The following ABL2 variants were observed in gnomAD, a reference collection of about 807,000 sequenced individuals.
The protein encoded by ABL2 is ABL proto-oncogene 2, non-receptor tyrosine kinase, also known as tyrosine-protein kinase ABL2.
A neutral mutation model predicts 107.7 loss-of-function variants in ABL2; 49 were observed. That is an observed-to-expected ratio of 0.45 (90% CI 0.36 to 0.58). The LOEUF (loss-of-function observed/expected upper bound fraction) is 0.58, where lower values mean the gene tolerates loss of function less well. Ranked by LOEUF, ABL2 falls within the 20% of genes least tolerant of loss-of-function variation. The pLI, the probability that ABL2 is intolerant of heterozygous loss-of-function variation, is 0.00. For synonymous variants in ABL2, 549 were observed against 548.6 expected, an observed-to-expected ratio of 1.00 and a Z score of -0.01; for missense variants, 1,245 against 1,457.0, an observed-to-expected ratio of 0.85 and a Z score of 2.37.
intron 7 of ABL2, among the ~76,000 whole-genome samples, chr1:179,117,922 C>G (rs1390790201): frequency 6.6e-6 from 1 of 150,548 alleles, no homozygotes; most frequent in Non-Finnish European, 1.5e-5. Flanking sequence ...AGTTCAGGAC[C>G]AGCCGGGGCA....
chr1:179,136,916 C>CAAA lies in ABL2; in HGVS notation c.158-3545_158-3543dup, dbSNP rs33980980. ...GTGACAACAGAGTGAGACCCTGTCT[C>CAAA]AAAAAAAAAAAAAAAAGGCTTCATA... On this transcript the variant is annotated intron_variant, in intron 1 of 11. Coordinates refer to ENST00000502732, the MANE Select transcript of ABL2 (RefSeq NM_007314.4). Among the ~76,000 whole-genome samples, 234 of 109,984 alleles carry CAAA rather than the reference C, an allele frequency of 2.1e-3. 3 individuals are homozygous for CAAA. In the East Asian group the frequency reaches 0.043, roughly 20 times the overall value. 72.2% of individuals were successfully genotyped at this position (109,984 alleles called of 152,430 possible).
At chr1:179,226,274 G>A (rs759519108) in intron 1 of ABL2, among the ~76,000 whole-genome samples, 12 of 146,892 alleles carry the variant, frequency 8.2e-5, no homozygotes, top group Non-Finnish European at 1.8e-4. Flanking sequence ...AGTTAGCCAG[G>A]TTCTAAATCC....
chr1:179,214,933 A>G (rs1662477483), intron 1 of ABL2, among the ~76,000 whole-genome samples: 1 of 151,956 alleles, frequency 6.6e-6, no homozygotes, highest in Admixed American at 6.6e-5. Flanking sequence ...GCCAAGGCAG[A>G]CAGATTGCCT....
chr1:179,214,442 G>A (rs575506811), intron 1 of ABL2, among the ~76,000 whole-genome samples: 3 of 147,576 alleles, frequency 2.0e-5, no homozygotes, highest in African/African-American at 7.5e-5. Flanking sequence ...CACTATATAA[G>A]CTTACAATAA....
In ABL2 at chr1:179,104,772, A is replaced by C. The variant is rs755639678; in HGVS notation, c.*2946T>G. The stretch of plus-strand genomic sequence containing the variant: ...GAAAGGAATCAAGCAGTGGCAGCCC[A>C]AAGGCATGCATCCAGATATACAGCA... On this transcript the variant is annotated 3_prime_UTR_variant, in exon 12 of 12. Coordinates refer to ENST00000502732, the MANE Select transcript of ABL2 (RefSeq NM_007314.4). 4.6e-6 allele frequency: 1 copy of C among 218,654 alleles called. No individual in the cohort carries two copies. Among genetic ancestry groups the C allele is most frequent in the Non-Finnish European group, 9.2e-6 (1 of 108,814 alleles). The allele number at this position is 218,654 out of a possible 1,614,324, so 13.5% of individuals were successfully genotyped here.
intron 10 of ABL2, 177 bp from the exon 11 acceptor site, chr1:179,110,632 G>T: frequency 6.5e-7 from 1 of 1,528,436 alleles, no homozygotes; most frequent in South Asian, 1.3e-5. Context: ...TATCATGTGT[G>T]TAGATTCGTC....
intron 1 of ABL2, among the ~76,000 whole-genome samples, chr1:179,179,145 A>T (rs567703617): frequency 6.6e-6 from 1 of 152,340 alleles, no homozygotes; most frequent in South Asian, 2.1e-4. Flanking sequence ...TGCAAAACTC[A>T]GACCTAAAAG....
At chr1:179,160,865 T>C (rs1163466862) in intron 1 of ABL2, among the ~76,000 whole-genome samples, 1 of 152,124 alleles carries the variant, frequency 6.6e-6, no homozygotes, top group East Asian at 1.9e-4. Context: ...AAAACCACAA[T>C]GAGATACCAC....
intron 1 of ABL2, among the ~76,000 whole-genome samples, chr1:179,169,142 AGAAAT>A (rs939553784): frequency 6.6e-6 from 1 of 152,180 alleles, no homozygotes; most frequent in African/African-American, 2.4e-5. Flanking sequence ...ATCATAAAAT[AGAAAT>A]GAAATATCAG....
intron 1 of ABL2, 115 bp downstream of exon 1, chr1:179,229,126 C>A (rs1663394124): frequency 2.1e-5 from 27 of 1,316,734 alleles, no homozygotes; most frequent in Non-Finnish European, 2.8e-5. Context: ...TCCGCCCCCA[C>A]TCTCAGGCAC....
intron 1 of ABL2, among the ~76,000 whole-genome samples, chr1:179,146,057 G>A (rs1657967032): frequency 6.6e-6 from 1 of 152,062 alleles, no homozygotes; most frequent in Non-Finnish European, 1.5e-5. Context: ...ACCATGCCTG[G>A]CTAATTTTTG....
intron 1 of ABL2, among the ~76,000 whole-genome samples, chr1:179,179,647 G>C (rs766355769): frequency 6.6e-6 from 1 of 152,100 alleles, no homozygotes; most frequent in African/African-American, 2.4e-5. Context: ...TAGAGCAAGA[G>C]TGTCTACTAG....
intron 1 of ABL2, among the ~76,000 whole-genome samples, chr1:179,136,866 A>G (rs537203098): frequency 3.4e-5 from 5 of 148,850 alleles, no homozygotes; most frequent in Non-Finnish European, 6.0e-5. Flanking sequence ...CAGTGAGCCA[A>G]GATCGCCGCT....
intron 1 of ABL2, among the ~76,000 whole-genome samples, chr1:179,179,600 A>G (rs1417849376): frequency 1.3e-5 from 2 of 152,142 alleles, no homozygotes; most frequent in East Asian, 1.9e-4. Flanking sequence ...ATCAGCTATT[A>G]TAATACAGAG....
rs148934596 is a variant in ABL2 at position 179,198,269 on chromosome 1, C to A, written c.157+30972G>T. On this transcript the variant is annotated intron_variant, in intron 1 of 11. Coordinates refer to ENST00000502732, the MANE Select transcript of ABL2 (RefSeq NM_007314.4). ...AGGAAAGGTAAAGAGGGAGAGAATA[C>A]GATAAAATAAATGAGACAAAATGTT... Among the ~76,000 whole-genome samples the A allele has an allele frequency of 9.3e-5, 14 of 151,082 alleles. No individual in the cohort carries two copies. The East Asian group carries it at 2.7e-3, about 29-fold the overall frequency.
At chr1:179,192,489 T>C (rs1035089181) in intron 1 of ABL2, among the ~76,000 whole-genome samples, 2 of 152,198 alleles carry the variant, frequency 1.3e-5, no homozygotes, top group African/African-American at 4.8e-5. Flanking sequence ...TAAATATCCT[T>C]GTTCTTGTCC....
Position 179,104,707 on chromosome 1 carries a change from A to G in ABL2, c.*3011T>C, listed in dbSNP as rs567757478. On this transcript the variant is annotated 3_prime_UTR_variant, in exon 12 of 12. Transcript: ENST00000502732. ...TATTCAACACAAATCACTGCATTTT[A>G]AAGTGGGAAATCTAAACTGAAGTAA... 5.6e-5 allele frequency: 12 copies of G among 212,636 alleles called. No homozygotes were observed. The highest frequency in any genetic ancestry group is 2.7e-4 in the African/African-American group (12 of 44,328). 13.2% of individuals were successfully genotyped at this position (212,636 alleles called of 1,614,324 possible). A position where few individuals can be genotyped will look rare whatever the true frequency, so the allele number is the denominator to read the frequency against.
intron 1 of ABL2, among the ~76,000 whole-genome samples, chr1:179,193,720 T>C (rs1171920361): frequency 2.6e-5 from 4 of 151,814 alleles, no homozygotes; most frequent in Non-Finnish European, 5.9e-5. Flanking sequence ...TTTTTGTTGC[T>C]GTTGTATTTT....
At position 179,106,852 on chromosome 1, in the gene ABL2, T is replaced by C. The variant is rs960505581; in HGVS notation, c.*866A>G. 10 of 231,138 alleles carry C rather than the reference T, an allele frequency of 4.3e-5. No homozygotes were observed. The highest frequency in any genetic ancestry group is 8.6e-5 in the Non-Finnish European group (10 of 116,854). 14.3% of individuals were successfully genotyped at this position (231,138 alleles called of 1,614,324 possible). On this transcript the variant is annotated 3_prime_UTR_variant, in exon 12 of 12. Transcript: ENST00000502732. ...GGACTACTATTTTCAAAATCAACAC[T>C]GGTTAATGCTCTGAATGCTACCAGG...
Sources: allele counts gnomAD v4.1 joint callset (sites outside exome capture counted in the v4.1 genomes callset), GRCh38; gene constraint gnomAD v4.1.1; transcripts MANE v1.5; gene names NCBI Gene and HGNC (gene_info 2026-07-23, HGNC 2026-07-21).